The following HS3ST4 variants were observed in gnomAD, a reference collection of about 807,000 sequenced individuals.
The protein encoded by HS3ST4 is heparan sulfate glucosamine 3-O-sulfotransferase 4.
A neutral mutation model predicts 29.2 loss-of-function variants in HS3ST4; 17 were observed. That is an observed-to-expected ratio of 0.58 (90% confidence interval 0.40 to 0.87). HS3ST4 has a LOEUF of 0.87. HS3ST4 is among the 40% of genes least tolerant of loss of function. HS3ST4 has a pLI of 0.00. For synonymous variants in HS3ST4, 314 were observed against 285.7 expected, an observed-to-expected ratio of 1.10 and a Z score of -1.00; for missense variants, 627 against 634.5, an observed-to-expected ratio of 0.99 and a Z score of 0.13.
At chr16:25,765,525 C>G (rs967871375) in intron 1 of HS3ST4, among the ~76,000 whole-genome samples, 7 of 152,162 alleles carry the variant, frequency 4.6e-5, no homozygotes, top group Non-Finnish European at 1.0e-4. Context: ...CAGAGAGATT[C>G]AGTGGAGGCT....
At chr16:25,925,408 A>G (rs764189363) in intron 1 of HS3ST4, among the ~76,000 whole-genome samples, 13 of 152,070 alleles carry the variant, frequency 8.5e-5, no homozygotes, top group Admixed American at 7.9e-4. Context: ...CTCATCTTTA[A>G]AAGCTTCCTG....
At chr16:25,777,981 G>A (rs971439063) in intron 1 of HS3ST4, among the ~76,000 whole-genome samples, 1 of 152,116 alleles carries the variant, frequency 6.6e-6, no homozygotes, top group Non-Finnish European at 1.5e-5. Flanking sequence ...GGAGAGTTCT[G>A]GAGAGGGGTG....
intron 1 of HS3ST4, among the ~76,000 whole-genome samples, chr16:26,034,410 A>G (rs538000623): frequency 7.2e-5 from 11 of 152,296 alleles, no homozygotes; most frequent in African/African-American, 2.4e-4. Context: ...AGCCCACTTT[A>G]TGCTAGGCCT....
chr16:26,129,578 A>T (rs1006405119), intron 1 of HS3ST4, among the ~76,000 whole-genome samples: 1 of 152,194 alleles, frequency 6.6e-6, no homozygotes, highest in South Asian at 2.1e-4. Flanking sequence ...ACTCTTCAAG[A>T]TATTAAGTCA....
intron 1 of HS3ST4, among the ~76,000 whole-genome samples, chr16:26,036,948 A>T (rs543354316): frequency 6.9e-4 from 105 of 152,310 alleles, no homozygotes; most frequent in African/African-American, 2.5e-3. Context: ...ATGAAGAAAC[A>T]ATGTCTTTAA....
intron 1 of HS3ST4, among the ~76,000 whole-genome samples, chr16:26,065,760 A>G (rs769891244): frequency 6.6e-6 from 1 of 152,234 alleles, no homozygotes; most frequent in Admixed American, 6.5e-5. Flanking sequence ...ATTTATTGAG[A>G]GTTCTTAGTT....
At chr16:25,982,179 C>T (rs978035822) in intron 1 of HS3ST4, among the ~76,000 whole-genome samples, 6 of 152,212 alleles carry the variant, frequency 3.9e-5, no homozygotes, top group Non-Finnish European at 5.9e-5. Flanking sequence ...GATGCACCCC[C>T]GGCTGCTGAA....
At chr16:25,866,068 C>G (rs1967691743) in intron 1 of HS3ST4, among the ~76,000 whole-genome samples, 1 of 152,176 alleles carries the variant, frequency 6.6e-6, no homozygotes, top group Admixed American at 6.5e-5. Flanking sequence ...TGCAAACTAT[C>G]CATTTGTAAT....
chr16:25,892,898 T>C (rs1265075987), intron 1 of HS3ST4, among the ~76,000 whole-genome samples: 1 of 152,222 alleles, frequency 6.6e-6, no homozygotes, highest in African/African-American at 2.4e-5. Context: ...CGGAACTTAT[T>C]TCCAGAGGGA....
At chr16:26,021,374 C>A (rs188695064) in intron 1 of HS3ST4, among the ~76,000 whole-genome samples, 2 of 152,366 alleles carry the variant, frequency 1.3e-5, no homozygotes, top group Admixed American at 6.5e-5. Context: ...GACAGACATT[C>A]TTTCCTGTTG....
chr16:25,859,670 CA>C, intron 1 of HS3ST4, among the ~76,000 whole-genome samples: 1 of 152,072 alleles, frequency 6.6e-6, no homozygotes, highest in Non-Finnish European at 1.5e-5. Context: ...AAAGAAAAAG[CA>C]AAAACAAACA....
At chr16:26,045,621 C>T (rs371497988) in intron 1 of HS3ST4, among the ~76,000 whole-genome samples, 3 of 152,042 alleles carry the variant, frequency 2.0e-5, no homozygotes, top group Admixed American at 6.5e-5. Flanking sequence ...ATGTGGGCAC[C>T]GTGTCTATCT....
chr16:25,914,722 G>A (rs1318871415), intron 1 of HS3ST4, among the ~76,000 whole-genome samples: 2 of 151,776 alleles, frequency 1.3e-5, no homozygotes, highest in African/African-American at 4.8e-5. Flanking sequence ...ACTGGTCTTA[G>A]CCAGAGGGAG....
chr16:26,057,766 A>T (rs572529529), intron 1 of HS3ST4, among the ~76,000 whole-genome samples: 11 of 150,440 alleles, frequency 7.3e-5, no homozygotes, highest in South Asian at 2.1e-4. Context: ...AGAAAGAAAT[A>T]AGCTAGTGCA....
intron 1 of HS3ST4, among the ~76,000 whole-genome samples, chr16:25,803,943 T>A (rs1037535918): frequency 6.6e-6 from 1 of 151,964 alleles, no homozygotes; most frequent in Non-Finnish European, 1.5e-5. Flanking sequence ...TGGTTCCCCC[T>A]CCCCCTCTCC....
intron 1 of HS3ST4, among the ~76,000 whole-genome samples, chr16:25,943,282 A>G (rs9937575): frequency 0.16 from 24,045 of 152,178 alleles, 2,043 homozygotes; most frequent in Middle Eastern, 0.19. Flanking sequence ...AATAAATTGT[A>G]ATACATTGAA....
intron 1 of HS3ST4, among the ~76,000 whole-genome samples, chr16:25,984,597 C>T (rs1221410453): frequency 1.3e-4 from 20 of 152,204 alleles, no homozygotes; most frequent in Admixed American, 1.3e-3. Context: ...CTAATATCCT[C>T]TGTCCTACTT....
intron 1 of HS3ST4, among the ~76,000 whole-genome samples, chr16:26,088,338 T>C (rs780741349): frequency 1.3e-5 from 2 of 152,252 alleles, no homozygotes; most frequent in Non-Finnish European, 2.9e-5. Flanking sequence ...GTTGTTGCTG[T>C]TGATGAGCTG....
chr16:25,858,667 A>G (rs890578918), intron 1 of HS3ST4, among the ~76,000 whole-genome samples: 2 of 152,078 alleles, frequency 1.3e-5, no homozygotes, highest in Non-Finnish European at 2.9e-5. Context: ...AGCATTTCCA[A>G]TATTTTCAAT....
Sources: gnomAD v4.1 joint callset for allele counts (sites outside exome capture counted in the v4.1 genomes callset) on GRCh38, gnomAD v4.1.1 for gene constraint, MANE v1.5 for transcripts, NCBI Gene and HGNC (gene_info 2026-07-23, HGNC 2026-07-21) for gene names.